CHRM3: variants seen among roughly 807,000 people sequenced by gnomAD.
CHRM3 encodes the protein muscarinic acetylcholine receptor M3.
A neutral mutation model predicts 41.8 loss-of-function variants in CHRM3; 11 were observed. The ratio of observed to expected loss-of-function variants is 0.26; its 90% CI spans 0.17 to 0.44. CHRM3 has a LOEUF of 0.44. Among genes scored for constraint, CHRM3 ranks in the 20% least tolerant of loss-of-function variants. The pLI is 1.00. For missense variants in CHRM3, 571 were observed against 745.4 expected (o/e 0.77, Z 2.72); for synonymous variants, 297 against 301.4 (o/e 0.99, Z 0.15).
intron 3 of CHRM3, among the ~76,000 whole-genome samples, chr1:239,578,825 C>T (rs993506726): frequency 6.6e-6 from 1 of 152,106 alleles, no homozygotes; most frequent in South Asian, 2.1e-4. Flanking sequence ...TCAGGATGCA[C>T]AATTGTAGTG....
rs776198583 is a variant in CHRM3, at chr1:239,704,058, C to T, written c.-147+25770C>T. ...TGGAGTTTTTATGCAGGTCACAAAG[C>T]GGCTTTATCCAGCTTGGTGCATTTT... On this transcript the variant is annotated intron_variant, in intron 5 of 6. Transcript: ENST00000676153. 6 of 152,212 alleles carry T rather than the reference C, an allele frequency of 3.9e-5. No homozygotes were observed. In the South Asian group the frequency reaches 6.2e-4, roughly 16 times the overall value. 9.4% of individuals were successfully genotyped at this position (152,212 alleles called of 1,614,324 possible).
rs1558195836 is a variant in CHRM3, at chr1:239,404,417, A to AGAAAGAAG, written c.-521+17197_-521+17198insGGAAAGAA. On this transcript the variant is annotated intron_variant, in intron 1 of 6. Transcript: ENST00000676153. ...GAAAGAAAGAAAGAAAGAAAAAGAA[A>AGAAAGAAG]GAAAGAAAGAAAGAAAGAAAGAAAG... 5.5e-3 allele frequency among the ~76,000 whole-genome samples: 443 copies of AGAAAGAAG among 80,192 alleles called. 12 individuals carry two copies. Among genetic ancestry groups the AGAAAGAAG allele is most frequent in the African/African-American group, 0.023 (420 of 18,620 alleles). The allele number at this position is 80,192 out of a possible 152,430, so 52.6% of individuals were successfully genotyped here. A position where few individuals can be genotyped will look rare whatever the true frequency, so the allele number is the denominator to read the frequency against.
At chr1:239,862,062 A>G (rs375166387) in intron 6 of CHRM3, among the ~76,000 whole-genome samples, 3 of 152,210 alleles carry the variant, frequency 2.0e-5, no homozygotes, top group Non-Finnish European at 2.9e-5. Context: ...GCTTCAGACT[A>G]CAGCCTCTCA....
intron 2 of CHRM3, among the ~76,000 whole-genome samples, chr1:239,543,669 G>A (rs1659007417): frequency 6.6e-6 from 1 of 151,886 alleles, no homozygotes; most frequent in African/African-American, 2.4e-5. Flanking sequence ...CACCACGCCC[G>A]GCTAATTTTT....
intron 1 of CHRM3, among the ~76,000 whole-genome samples, chr1:239,399,913 A>T (rs1019212077): frequency 3.3e-5 from 5 of 151,698 alleles, no homozygotes; most frequent in African/African-American, 1.2e-4. Flanking sequence ...ATTTATTTTT[A>T]TTTTATTTTA....
At chr1:239,562,603 C>T (rs545677767) in intron 3 of CHRM3, among the ~76,000 whole-genome samples, 2 of 151,852 alleles carry the variant, frequency 1.3e-5, no homozygotes, top group Admixed American at 6.6e-5. Flanking sequence ...ATTTTTAAAG[C>T]GTTGGGTCAG....
chr1:239,676,020 A>C (rs939366028), intron 4 of CHRM3, among the ~76,000 whole-genome samples: 1 of 152,014 alleles, frequency 6.6e-6, no homozygotes, highest in South Asian at 2.1e-4. Flanking sequence ...TCCTTTTTGC[A>C]TTTTTAAGCC....
chr1:239,507,845 A>T (rs1243431086), intron 2 of CHRM3, among the ~76,000 whole-genome samples: 1 of 152,238 alleles, frequency 6.6e-6, no homozygotes, highest in African/African-American at 2.4e-5. Flanking sequence ...GGGTATCCCT[A>T]TAATTTATAA....
intron 2 of CHRM3, among the ~76,000 whole-genome samples, chr1:239,506,621 T>G (rs1312597434): frequency 2.0e-5 from 3 of 152,036 alleles, no homozygotes; most frequent in Admixed American, 2.0e-4. Context: ...AAATATGGGG[T>G]CAGAGCCCCC....
intron 5 of CHRM3, chr1:239,705,746 C>G (rs550631331): frequency 1.3e-5 from 2 of 151,942 alleles, no homozygotes; most frequent in African/African-American, 4.8e-5. Context: ...GAGAAAATGA[C>G]GTTTAGGCTG....
At chr1:239,826,696 A>T (rs1299106383) in intron 5 of CHRM3, among the ~76,000 whole-genome samples, 1 of 152,210 alleles carries the variant, frequency 6.6e-6, no homozygotes, top group Admixed American at 6.5e-5. Context: ...AGCAAACACG[A>T]TCCTGAATGA....
intron 6 of CHRM3, among the ~76,000 whole-genome samples, chr1:239,843,295 C>G (rs1673976433): frequency 2.0e-5 from 3 of 152,098 alleles, no homozygotes; most frequent in African/African-American, 7.2e-5. Flanking sequence ...TTCACCTCCT[C>G]TAATCATTTT....
chr1:239,716,611 C>CT (rs911165793), intron 5 of CHRM3, among the ~76,000 whole-genome samples: 12 of 151,876 alleles, frequency 7.9e-5, no homozygotes, highest in South Asian at 2.1e-4. Context: ...TCAAAAGAGC[C>CT]TTTTTTTGCA....
chr1:239,562,429 G>T (rs1335982108), intron 3 of CHRM3, among the ~76,000 whole-genome samples: 2 of 152,200 alleles, frequency 1.3e-5, no homozygotes, highest in East Asian at 3.9e-4. Context: ...GTGGCTGGTG[G>T]ATGCCAAAGC....
At chr1:239,685,685 G>A (rs1204097745) in intron 5 of CHRM3, among the ~76,000 whole-genome samples, 4 of 152,080 alleles carry the variant, frequency 2.6e-5, no homozygotes, top group Non-Finnish European at 5.9e-5. Flanking sequence ...AGCTGGGTAT[G>A]GTGGTGTGTG....
At chr1:239,569,249 G>T (rs1301534543) in intron 3 of CHRM3, among the ~76,000 whole-genome samples, 1 of 152,090 alleles carries the variant, frequency 6.6e-6, no homozygotes, top group Non-Finnish European at 1.5e-5. Context: ...TACCTCAAAA[G>T]ATTGTTTTTA....
At chr1:239,741,962 C>T (rs16838861) in intron 5 of CHRM3, among the ~76,000 whole-genome samples, 2,403 of 152,292 alleles carry the variant, frequency 0.016, 73 homozygotes, top group African/African-American at 0.055. Context: ...ATAGTTCCAG[C>T]TTCTACTCAT....
chr1:239,461,274 A>C (rs2147879797), intron 1 of CHRM3, among the ~76,000 whole-genome samples: 1 of 152,300 alleles, frequency 6.6e-6, no homozygotes, highest in Non-Finnish European at 1.5e-5. Flanking sequence ...CCTTTATAGT[A>C]TAATGAAGGC....
At chr1:239,614,478 G>C (rs980002695) in intron 3 of CHRM3, among the ~76,000 whole-genome samples, 10 of 152,058 alleles carry the variant, frequency 6.6e-5, no homozygotes, top group African/African-American at 2.4e-4. Context: ...GATCCAAATG[G>C]GCGATGGCAC....
Sources: gnomAD v4.1 joint callset for allele counts (sites outside exome capture counted in the v4.1 genomes callset) on GRCh38, gnomAD v4.1.1 for gene constraint, MANE v1.5 for transcripts, NCBI Gene and HGNC (gene_info 2026-07-23, HGNC 2026-07-21) for gene names.